Variants in PAM observed in about 807,000 individuals in gnomAD.
The protein encoded by PAM is peptidylglycine alpha-amidating monooxygenase.
Under a neutral mutation model 122.1 loss-of-function variants are expected in PAM, and 72 were observed. The observed-to-expected ratio is 0.59, with a 90% confidence interval of 0.49 to 0.72. PAM has a LOEUF of 0.72. Among genes scored for constraint, PAM ranks in the 30% least tolerant of loss-of-function variants. The pLI is 0.00. For synonymous variants in PAM, 389 were observed against 404.4 expected (o/e 0.96, Z 0.46); for missense variants, 1,106 against 1,183.7 (o/e 0.93, Z 0.96).
At chr5:102,869,187 A>G (rs1038408677) in intron 3 of PAM, among the ~76,000 whole-genome samples, 27 of 152,158 alleles carry the variant, frequency 1.8e-4, no homozygotes, top group Non-Finnish European at 1.5e-4. Flanking sequence ...AATTGACTGT[A>G]TCCCGCCTCC....
At chr5:102,843,220 G>A (rs1383734551) in intron 1 of PAM, among the ~76,000 whole-genome samples, 1 of 152,170 alleles carries the variant, frequency 6.6e-6, no homozygotes, top group East Asian at 1.9e-4. Context: ...CTCACATTGA[G>A]TATGTATATT....
At chr5:102,873,903 T>A (rs1788330206) in intron 3 of PAM, 1 of 152,192 alleles carries the variant, frequency 6.6e-6, no homozygotes, top group Non-Finnish European at 1.5e-5. Context: ...ACTAGCATGG[T>A]GATCTTCCTA....
At chr5:102,812,276 A>C (rs1466273659) in intron 1 of PAM, among the ~76,000 whole-genome samples, 1 of 152,202 alleles carries the variant, frequency 6.6e-6, no homozygotes, top group Non-Finnish European at 1.5e-5. Context: ...TATTGTTCAC[A>C]TCCTGTGTTA....
intron 14 of PAM, among the ~76,000 whole-genome samples, chr5:102,972,816 A>G (rs145596884): frequency 3.9e-3 from 587 of 152,262 alleles, no homozygotes; most frequent in Non-Finnish European, 6.8e-3. Flanking sequence ...GATTGGCCCT[A>G]TTACTTGGTA....
chr5:102,772,620 T>C (rs1252222804), intron 1 of PAM, among the ~76,000 whole-genome samples: 1 of 152,168 alleles, frequency 6.6e-6, no homozygotes, highest in Non-Finnish European at 1.5e-5. Context: ...ATACTTGTCG[T>C]AGTATTACTT....
At position 102,951,019 on chromosome 5, in the gene PAM, C is replaced by T. The variant is rs114138658; in HGVS notation, c.905+199C>T. On this transcript the variant is annotated intron_variant, in intron 12 of 25. Transcript: ENST00000438793. The stretch of plus-strand genomic sequence containing the variant: ...CATGTGCTCATTTTTTTGTGCTACT[C>T]TTTTTCTTACTTCCTCAAAACCTTC... 9.6e-3 allele frequency among the ~76,000 whole-genome samples: 1,456 copies of T among 152,134 alleles called. 22 individuals carry two copies. The highest frequency in any genetic ancestry group is 0.034 in the African/African-American group (1,408 of 41,524).
At chr5:102,995,865 T>G (rs185984624) in intron 16 of PAM, among the ~76,000 whole-genome samples, 3 of 152,050 alleles carry the variant, frequency 2.0e-5, no homozygotes, top group African/African-American at 4.8e-5. Context: ...TTAAGTTATA[T>G]TCCATCGAGA....
chr5:102,819,542 A>G (rs897149576), intron 1 of PAM, among the ~76,000 whole-genome samples: 1 of 152,070 alleles, frequency 6.6e-6, no homozygotes, highest in Admixed American at 6.6e-5. Context: ...TTTTTCAGGT[A>G]TTGCCTCTTC....
chr5:102,805,932 C>T (rs1461347139), intron 1 of PAM, among the ~76,000 whole-genome samples: 4 of 152,198 alleles, frequency 2.6e-5, no homozygotes, highest in Admixed American at 2.6e-4. Context: ...ATTTTTCTCA[C>T]TCACACTTGA....
At chr5:102,871,567 C>A (rs1787461675) in intron 3 of PAM, among the ~76,000 whole-genome samples, 2 of 151,468 alleles carry the variant, frequency 1.3e-5, no homozygotes, top group Non-Finnish European at 2.9e-5. Flanking sequence ...ATGGACCTAT[C>A]ATAAGAGAAT....
chr5:102,758,320 C>G lies in PAM; in HGVS notation c.-374+2972C>G, dbSNP rs867204039. Among the ~76,000 whole-genome samples the G allele has an allele frequency of 5.9e-5, 9 of 152,058 alleles. No individual in the cohort carries two copies. The South Asian group carries it at 1.9e-3, about 32-fold the overall frequency. On this transcript the variant is annotated intron_variant, in intron 1 of 25. Transcript: ENST00000438793. ...ATTGGACTCTCACATTAAGGCATGG[C>G]AGGCTGAGGGGCAGCCTGAGGGACA...
chr5:102,806,652 C>G (rs1261930459), intron 1 of PAM, among the ~76,000 whole-genome samples: 1 of 152,176 alleles, frequency 6.6e-6, no homozygotes, highest in African/African-American at 2.4e-5. Flanking sequence ...TTTTGCTTCT[C>G]AAACTCAGGA....
chr5:102,790,278 C>T (rs1009806990), intron 1 of PAM, among the ~76,000 whole-genome samples: 22 of 151,992 alleles, frequency 1.4e-4, no homozygotes, highest in Admixed American at 9.8e-4. Context: ...CTGGCTATGC[C>T]GCAAATTTTT....
intron 5 of PAM, among the ~76,000 whole-genome samples, chr5:102,921,838 AG>A (rs1476345486): frequency 6.6e-6 from 1 of 152,144 alleles, no homozygotes; most frequent in Non-Finnish European, 1.5e-5. Context: ...TTGAGATAGA[AG>A]GGACTGTGAC....
At chr5:102,962,132 T>C (rs1157718087) in intron 14 of PAM, among the ~76,000 whole-genome samples, 1 of 151,840 alleles carries the variant, frequency 6.6e-6, no homozygotes, top group Non-Finnish European at 1.5e-5. Context: ...CTTGTATGAA[T>C]AGTTTTTACA....
intron 1 of PAM, among the ~76,000 whole-genome samples, chr5:102,848,434 T>G (rs1314494647): frequency 6.6e-6 from 1 of 152,208 alleles, no homozygotes; most frequent in Non-Finnish European, 1.5e-5. Context: ...CCTGGATAAC[T>G]GAAAAGCCTC....
chr5:102,874,304 TTAAG>T (rs2151042819), intron 3 of PAM, among the ~76,000 whole-genome samples: 1 of 152,334 alleles, frequency 6.6e-6, no homozygotes, highest in South Asian at 2.1e-4. Context: ...AGTATATGAA[TTAAG>T]TAGATTACAA....
Position 102,865,957 on chromosome 5 carries a change from C to T in PAM, c.-239C>T, listed in dbSNP as rs189982699. On this transcript the variant is annotated 5_prime_UTR_variant, in exon 2 of 26. Coordinates refer to ENST00000438793, the MANE Select transcript of PAM (RefSeq NM_001177306.2). The stretch of plus-strand genomic sequence containing the variant: ...GCGCTGGAGGGAGGAAAGCTTCCGC[C>T]TGCGGGCCGGACAAAAGTCCCGCCT... 9.3e-6 allele frequency: 4 copies of T among 432,428 alleles called. No homozygotes were observed. Among genetic ancestry groups the T allele is most frequent in the African/African-American group, 4.2e-5 (2 of 47,736 alleles). 26.8% of individuals were successfully genotyped at this position (432,428 alleles called of 1,614,324 possible). A position where few individuals can be genotyped will look rare whatever the true frequency, so the allele number is the denominator to read the frequency against.
At chr5:102,946,754 T>C in intron 7 of PAM, 83 bp from the exon 8 acceptor site, 1 of 805,488 alleles carries the variant, frequency 1.2e-6, no homozygotes, top group Non-Finnish European at 2.1e-6. Context: ...AATATTTGGT[T>C]ATAATCATTT....
Sources: gnomAD v4.1 joint callset for allele counts (sites outside exome capture counted in the v4.1 genomes callset) on GRCh38, gnomAD v4.1.1 for gene constraint, MANE v1.5 for transcripts, NCBI Gene and HGNC (gene_info 2026-07-23, HGNC 2026-07-21) for gene names.